FKBP15: variants seen among roughly 807,000 people sequenced by gnomAD.
FKBP15 encodes FKBP prolyl isomerase family member 15.
In FKBP15, 106 loss-of-function variants were observed where a neutral mutation model predicts 158.1. The observed-to-expected ratio is 0.67, with a 90% confidence interval of 0.57 to 0.79. The LOEUF (loss-of-function observed/expected upper bound fraction) is 0.79. FKBP15 is among the 30% of genes least tolerant of loss of function. The pLI is 0.00. For missense variants in FKBP15, 1,287 were observed against 1,479.1 expected, an observed-to-expected ratio of 0.87 and a Z score of 2.13; for synonymous variants, 547 against 548.6, an observed-to-expected ratio of 1.00 and a Z score of 0.04.
At chr9:113,203,080 C>T in intron 4 of FKBP15, 45 bp from the exon 5 acceptor site, 1 of 1,338,418 alleles carries the variant, frequency 7.5e-7, no homozygotes. Flanking sequence ...AGAGAGACAG[C>T]AGAAGTTAAA....
In FKBP15 at chr9:113,184,639, G is replaced by C; in HGVS notation, c.1608+56C>G. 7.3e-7 allele frequency: 1 copy of C among 1,378,804 alleles called. No homozygotes were observed. The highest frequency in any genetic ancestry group is 1.0e-6 in the Non-Finnish European group (1 of 985,740). 85.4% of individuals were successfully genotyped at this position (1,378,804 alleles called of 1,614,324 possible). Reference sequence around the variant, plus strand: ...AAAGAAGAGTTTACCTACAGTTCTGGCTGCTCCCTGTTTACATCCCCACTT... The same window carrying C: ...AAAGAAGAGTTTACCTACAGTTCTGCCTGCTCCCTGTTTACATCCCCACTT... On this transcript the variant is annotated intron_variant, in intron 16 of 27. Transcript: ENST00000238256. This position sits in a 1 kb window ranked among gnomAD's most constrained non-coding sequence, Gnocchi z 4.5.
Position 113,212,872 on chromosome 9 carries a change from A to G in FKBP15, c.54-1280T>C, listed in dbSNP as rs117348480. Among the ~76,000 whole-genome samples, 26 of 152,284 alleles carry G rather than the reference A, an allele frequency of 1.7e-4. 1 individual carries two copies. In the East Asian group the frequency reaches 4.8e-3, roughly 28 times the overall value. ...CTCAAATCTGCATTCCCAGCCCAGA[A>G]CTTGCTCTTGAGTGCCAGAAAACAT... On this transcript the variant is annotated intron_variant, in intron 1 of 27. Transcript: ENST00000238256.
Position 113,184,912 on chromosome 9 carries a change from C to A in FKBP15, c.1499-108G>T. 1 of 847,106 alleles carries A rather than the reference C, an allele frequency of 1.2e-6. No homozygotes were observed. Among genetic ancestry groups the A allele is most frequent in the Non-Finnish European group, 1.9e-6 (1 of 540,476 alleles). The allele number at this position is 847,106 out of a possible 1,614,324, so 52.5% of individuals were successfully genotyped here. A position where few individuals can be genotyped will look rare whatever the true frequency, so the allele number is the denominator to read the frequency against. On this transcript the variant is annotated intron_variant, in intron 15 of 27. Coordinates refer to ENST00000238256, the MANE Select transcript of FKBP15 (RefSeq NM_015258.2). The surrounding 1 kb of genome is among the most constrained non-coding windows in gnomAD (Gnocchi z 4.5). ...AAAGAAAGAAATTAATACTTCCATACACTAGGAAATGCTATAGGTGACTTC... is the reference window on the plus strand; with the variant it reads ...AAAGAAAGAAATTAATACTTCCATAAACTAGGAAATGCTATAGGTGACTTC...
Position 113,162,702 on chromosome 9 carries a change from A to G in FKBP15, c.*3376T>C. ...CCTGATATCTACTCCCAGCTTCCTCATTACCAGCTCATTACCAGGATTAAC... is the reference window on the plus strand; with the variant it reads ...CCTGATATCTACTCCCAGCTTCCTCGTTACCAGCTCATTACCAGGATTAAC... On this transcript the variant is annotated 3_prime_UTR_variant, in exon 28 of 28. Coordinates refer to ENST00000238256, the MANE Select transcript of FKBP15 (RefSeq NM_015258.2). The G allele has an allele frequency of 2.6e-6, 4 of 1,561,796 alleles. No homozygotes were observed. Among genetic ancestry groups the G allele is most frequent in the Non-Finnish European group, 3.5e-6 (4 of 1,148,572 alleles).
chr9:113,178,986 CTACTATTATGACTCCTA>C (rs1830345314), intron 19 of FKBP15, among the ~76,000 whole-genome samples, 185 bp from the exon 20 acceptor site: 1 of 152,008 alleles, frequency 6.6e-6, no homozygotes, highest in South Asian at 2.1e-4. Context: ...TATATTACTA[CTACTATTATGACTCCTA>C]TACTATTATA....
intron 2 of FKBP15, among the ~76,000 whole-genome samples, chr9:113,209,566 T>C (rs1587975353): frequency 6.6e-6 from 1 of 152,204 alleles, no homozygotes; most frequent in South Asian, 2.1e-4. Flanking sequence ...CTATAGGCTG[T>C]GGTATAATAT....
Position 113,196,946 on chromosome 9 carries a change from C to T in FKBP15, c.850G>A (p.Val284Met). ...QATDSILVFE[V>M]EVRRVKFARD... ...GTTTCACTCACCCGCCTAACCTCCA[C>T]CTCGAACACCAGGATCGAGTCCGTT... Residue 284 changes from valine (V) to methionine (M), a missense_variant, in exon 9 of 28, where the codon GTG (valine) becomes ATG (methionine). Physicochemically the swap from Val to Met is conservative, Grantham distance 21. Transcript: ENST00000238256. 6.2e-7 allele frequency: 1 copy of T among 1,613,962 alleles called. No homozygotes were observed. The highest frequency in any genetic ancestry group is 1.1e-5 in the South Asian group (1 of 91,078).
rs1326751159 is a variant in FKBP15 at position 113,184,243 on chromosome 9, G to A, written c.1716+49C>T. 7.7e-7 allele frequency: 1 copy of A among 1,302,676 alleles called. No individual in the cohort carries two copies. Among genetic ancestry groups the A allele is most frequent in the Non-Finnish European group, 1.1e-6 (1 of 918,908 alleles). The allele number at this position is 1,302,676 out of a possible 1,614,324, so 80.7% of individuals were successfully genotyped here. On this transcript the variant is annotated intron_variant, in intron 17 of 27. Coordinates refer to ENST00000238256, the MANE Select transcript of FKBP15 (RefSeq NM_015258.2). This position sits in a 1 kb window ranked among gnomAD's most constrained non-coding sequence, Gnocchi z 4.5. ...AAAGAGTAGTACCTCTGAGAAGAGA[G>A]GATGGGTAAGACCTTCAGCCTGAGT...
chr9:113,162,033 A>G lies in FKBP15; in HGVS notation c.*4045T>C, dbSNP rs1830021613. 2.5e-6 allele frequency: 1 copy of G among 402,062 alleles called. No individual in the cohort carries two copies. Among genetic ancestry groups the G allele is most frequent in the African/African-American group, 2.1e-5 (1 of 48,372 alleles). 24.9% of individuals were successfully genotyped at this position (402,062 alleles called of 1,614,324 possible). On this transcript the variant is annotated 3_prime_UTR_variant, in exon 28 of 28. Coordinates refer to ENST00000238256, the MANE Select transcript of FKBP15 (RefSeq NM_015258.2). ...CAGTTCCATGGGTCACTAGGCTCCC[A>G]TATCCAGGAGGGGATCTGCAGCTGT...
intron 1 of FKBP15, among the ~76,000 whole-genome samples, chr9:113,213,202 C>T (rs945764737): frequency 4.6e-5 from 7 of 151,978 alleles, no homozygotes; most frequent in African/African-American, 1.2e-4. Flanking sequence ...TGAGGTCAGG[C>T]GTTCGAGACC....
intron 4 of FKBP15, among the ~76,000 whole-genome samples, chr9:113,205,029 C>T (rs929068267): frequency 9.9e-5 from 15 of 152,030 alleles, no homozygotes; most frequent in Middle Eastern, 3.4e-3. Flanking sequence ...AATTTTTTAC[C>T]GTAGGCCCAA....
intron 2 of FKBP15, among the ~76,000 whole-genome samples, chr9:113,211,260 G>A (rs1408813848): frequency 3.3e-5 from 5 of 152,212 alleles, no homozygotes; most frequent in Non-Finnish European, 7.3e-5. Context: ...CTGGGTTCAA[G>A]AGATCCTCCG....
intron 23 of FKBP15, among the ~76,000 whole-genome samples, chr9:113,172,311 A>G (rs909306200): frequency 3.3e-5 from 5 of 152,254 alleles, no homozygotes; most frequent in Admixed American, 3.3e-4. Context: ...ATAAACATAC[A>G]TGTGCATGTG....
Position 113,163,080 on chromosome 9 carries a change from A to C in FKBP15, c.*2998T>G, listed in dbSNP as rs556977873. On this transcript the variant is annotated 3_prime_UTR_variant, in exon 28 of 28. Transcript: ENST00000238256. ...CAGCACTTGCTCCCTGGAGTTCGGA[A>C]GCCATTGCAGCAACCTTCCTTCTCA... 1.7e-6 allele frequency: 1 copy of C among 604,326 alleles called. No individual in the cohort carries two copies. The highest frequency in any genetic ancestry group is 2.7e-6 in the Non-Finnish European group (1 of 367,822). The allele number at this position is 604,326 out of a possible 1,614,324, so 37.4% of individuals were successfully genotyped here. A position where few individuals can be genotyped will look rare whatever the true frequency, so the allele number is the denominator to read the frequency against.
rs1173737084 is a variant in FKBP15 at position 113,199,833 on chromosome 9, T to C, written c.629A>G (p.Gln210Arg). The C allele has an allele frequency of 6.2e-7, 1 of 1,612,672 alleles. No homozygotes were observed. Among genetic ancestry groups the C allele is most frequent in the African/African-American group, 1.3e-5 (1 of 75,020 alleles). The part of the protein sequence containing the change: ...LEVAYTGWLF[Q>R]NHVLGQVFDS... Reference sequence around the variant, plus strand: ...TCTTACCTGGCCCAGCACATGATTCTGAAAGAGCCAGCCGGTATAGGCCAC... The same window carrying C: ...TCTTACCTGGCCCAGCACATGATTCCGAAAGAGCCAGCCGGTATAGGCCAC... Residue 210 changes from glutamine to arginine, a missense_variant, in exon 7 of 28, where the codon CAG (glutamine) becomes CGG (arginine). Coordinates refer to ENST00000238256, the MANE Select transcript of FKBP15 (RefSeq NM_015258.2).
At position 113,220,386 on chromosome 9, in the gene FKBP15, C is replaced by G. The variant is rs551388679; in HGVS notation, c.53+805G>C. ...GCACAACACAATGGAAAAGGCTAAACTGACTACTAAAAGAGACAAAACCCT... is the reference window on the plus strand; with the variant it reads ...GCACAACACAATGGAAAAGGCTAAAGTGACTACTAAAAGAGACAAAACCCT... On this transcript the variant is annotated intron_variant, in intron 1 of 27. Coordinates refer to ENST00000238256, the MANE Select transcript of FKBP15 (RefSeq NM_015258.2). Among the ~76,000 whole-genome samples, 4 of 152,310 alleles carry G rather than the reference C, an allele frequency of 2.6e-5. No homozygotes were observed. The East Asian group carries it at 7.7e-4, about 29-fold the overall frequency.
intron 6 of FKBP15, 73 bp from the exon 7 acceptor site, chr9:113,200,036 T>A (rs978475658): frequency 6.8e-7 from 1 of 1,463,148 alleles, no homozygotes; most frequent in Non-Finnish European, 9.2e-7. Flanking sequence ...TTGCTACTGC[T>A]CTTTCTCAAA....
At chr9:113,193,616 T>C (rs1302734909) in intron 10 of FKBP15, 67 bp from the exon 11 acceptor site, 1 of 1,299,372 alleles carries the variant, frequency 7.7e-7, no homozygotes, top group African/African-American at 1.5e-5. Context: ...CAAATTATAT[T>C]GGATAAGCAA....
rs563150827 is a variant in FKBP15 at position 113,212,437 on chromosome 9, C to T, written c.54-845G>A. 5.9e-5 allele frequency among the ~76,000 whole-genome samples: 9 copies of T among 152,282 alleles called. No individual in the cohort carries two copies. In the South Asian group the frequency reaches 6.2e-4, roughly 11 times the overall value. On this transcript the variant is annotated intron_variant, in intron 1 of 27. Coordinates refer to ENST00000238256, the MANE Select transcript of FKBP15 (RefSeq NM_015258.2). ...CTCCTGACCTCAAGTGATCCACCCACCTCGGCCTCCCAAAGTGCTGGGATT... is the reference window on the plus strand; with the variant it reads ...CTCCTGACCTCAAGTGATCCACCCATCTCGGCCTCCCAAAGTGCTGGGATT...
Sources: gnomAD v4.1 joint callset for allele counts (sites outside exome capture counted in the v4.1 genomes callset) on GRCh38, gnomAD v4.1.1 for gene constraint, Gnocchi (gnomAD v3.1) non-coding constraint, MANE v1.5 for transcripts, NCBI Gene and HGNC (gene_info 2026-07-23, HGNC 2026-07-21) for gene names.